Variants in SNURF observed in about 807,000 individuals in gnomAD.
SNURF encodes SNURF protein.
Under a neutral mutation model 11.6 loss-of-function variants are expected in SNURF, and 6 were observed. The observed-to-expected ratio is 0.52, with a 90% CI of 0.28 to 1.02. The LOEUF (loss-of-function observed/expected upper bound fraction) is 1.02. Among genes scored for constraint, SNURF ranks in the 50% least tolerant of loss-of-function variants. The pLI is 0.09. For synonymous variants in SNURF, 29 were observed against 31.6 expected, an observed-to-expected ratio of 0.92 and a Z score of 0.27; for missense variants, 84 against 88.4, an observed-to-expected ratio of 0.95 and a Z score of 0.20.
downstream of SNURF, among the ~76,000 whole-genome samples, chr15:24,969,127 T>C (rs1455191714): frequency 1.3e-5 from 2 of 152,084 alleles, no homozygotes; most frequent in Non-Finnish European, 2.9e-5. Context: ...TTTTGAGTTA[T>C]TAATTAATTT....
intron 2 of SNURF, among the ~76,000 whole-genome samples, chr15:24,963,803 C>T (rs1447638141): frequency 6.6e-6 from 1 of 151,810 alleles, no homozygotes; most frequent in Non-Finnish European, 1.5e-5. Flanking sequence ...TGTTGGGAGG[C>T]TGAGGTGGAT....
At chr15:24,962,899 A>G (rs2075053047) in intron 2 of SNURF, among the ~76,000 whole-genome samples, 1 of 152,154 alleles carries the variant, frequency 6.6e-6, no homozygotes, top group African/African-American at 2.4e-5. Flanking sequence ...TTTCTTAGCT[A>G]CAATTGTTTT....
At chr15:24,966,100 C>A (rs1423314534) in intron 2 of SNURF, among the ~76,000 whole-genome samples, 1 of 152,114 alleles carries the variant, frequency 6.6e-6, no homozygotes, top group African/African-American at 2.4e-5. Context: ...TCACAGTTGT[C>A]TAGATGCCCT....
chr15:24,978,187 C>T, downstream of SNURF: 1 of 1,612,146 alleles, frequency 6.2e-7, no homozygotes, highest in Non-Finnish European at 8.5e-7. Flanking sequence ...CCATTTTTCA[C>T]TGTAGGCATT....
downstream of SNURF, among the ~76,000 whole-genome samples, chr15:24,973,085 C>T (rs1051563821): frequency 1.3e-4 from 20 of 152,110 alleles, no homozygotes; most frequent in Admixed American, 5.9e-4. Context: ...ATAGGGTTTT[C>T]GCCATGTTGG....
intron 1 of SNURF, among the ~76,000 whole-genome samples, chr15:24,960,242 A>G (rs2074547714): frequency 6.6e-6 from 1 of 152,162 alleles, no homozygotes; most frequent in African/African-American, 2.4e-5. Flanking sequence ...TAACATTTTT[A>G]GGAAGTTGGC....
At chr15:24,975,281 G>A in intron 3 of SNURF, 2 of 1,136,968 alleles carry the variant, frequency 1.8e-6, no homozygotes, top group Non-Finnish European at 1.3e-6. Flanking sequence ...TTATGTAAGG[G>A]TGGAGAAGAA....
At chr15:24,960,213 C>T (rs1484583408) in intron 1 of SNURF, among the ~76,000 whole-genome samples, 3 of 152,118 alleles carry the variant, frequency 2.0e-5, no homozygotes, top group African/African-American at 7.2e-5. Flanking sequence ...GAGTTAGTGT[C>T]ATATGTTACT....
intron 1 of SNURF, among the ~76,000 whole-genome samples, chr15:24,961,286 C>G (rs2074762947): frequency 6.6e-6 from 1 of 152,170 alleles, no homozygotes; most frequent in African/African-American, 2.4e-5. Context: ...TTTTACCAAT[C>G]TAAAAGTCTA....
chr15:24,964,577 T>G (rs1471362147), intron 2 of SNURF, among the ~76,000 whole-genome samples: 1 of 152,050 alleles, frequency 6.6e-6, no homozygotes, highest in Non-Finnish European at 1.5e-5. Context: ...GGATTACAGG[T>G]GTGAGCCACT....
chr15:24,968,132 G>T (rs368623157), exon 3 of SNURF: 6 of 1,049,124 alleles, frequency 5.7e-6, no homozygotes, highest in Non-Finnish European at 7.3e-6. Flanking sequence ...TTAAAGAATG[G>T]GGTGTTGGGG....
intron 2 of SNURF, 22 bp from the exon 3 acceptor site, chr15:24,967,910 A>G (rs1488661995): frequency 2.5e-6 from 4 of 1,589,326 alleles, no homozygotes; most frequent in South Asian, 1.1e-5. Context: ...TATCATTTAT[A>G]TATATTGTGC....
intron 4 of SNURF, chr15:24,976,164 AT>A (rs1555409641): frequency 8.9e-6 from 6 of 672,038 alleles, no homozygotes; most frequent in Admixed American, 7.8e-5. Context: ...GTTTACAGAT[AT>A]TTTTTGGCTT....
At chr15:24,956,354 C>CGGCGGG (rs66513284) in intron 1 of SNURF, among the ~76,000 whole-genome samples, 1 of 138,158 alleles carries the variant, frequency 7.2e-6, no homozygotes, top group Admixed American at 7.7e-5. Context: ...AGCGCTTCAG[C>CGGCGGG]GGGGGGGTGG....
intron 1 of SNURF, among the ~76,000 whole-genome samples, chr15:24,960,603 A>G (rs896254180): frequency 6.6e-6 from 1 of 152,088 alleles, no homozygotes; most frequent in Non-Finnish European, 1.5e-5. Flanking sequence ...GCCCTGCCTC[A>G]TTGGGATTTT....
chr15:24,971,119 A>T (rs1435667564), downstream of SNURF, among the ~76,000 whole-genome samples: 2 of 152,146 alleles, frequency 1.3e-5, no homozygotes, highest in African/African-American at 2.4e-5. Context: ...ATTAAAGTAG[A>T]TTTACATTTT....
chr15:24,956,352 A>AGCGG (rs1002044900), intron 1 of SNURF, among the ~76,000 whole-genome samples: 16 of 72,446 alleles, frequency 2.2e-4, no homozygotes, highest in Admixed American at 3.4e-4. Context: ...CAAGCGCTTC[A>AGCGG]GCGGGGGGGT....
chr15:24,971,291 C>T (rs1368358399), downstream of SNURF, among the ~76,000 whole-genome samples: 46 of 152,100 alleles, frequency 3.0e-4, no homozygotes, highest in Admixed American at 2.9e-3. Context: ...CTACTCTCGT[C>T]GCCTTTCTCA....
intron 1 of SNURF, 122 bp from the exon 2 acceptor site, chr15:24,961,992 C>T: frequency 2.2e-6 from 2 of 897,318 alleles, no homozygotes; most frequent in South Asian, 2.8e-5. Flanking sequence ...ATAATTTTAC[C>T]TTGTTTTAAT....
Sources: gnomAD v4.1 joint callset for allele counts (sites outside exome capture counted in the v4.1 genomes callset) on GRCh38, gnomAD v4.1.1 for gene constraint, MANE v1.5 for transcripts, NCBI Gene and HGNC (gene_info 2026-07-23, HGNC 2026-07-21) for gene names.